Variants in PROSER1 observed in about 807,000 individuals in gnomAD.
The protein encoded by PROSER1 is proline and serine-rich protein 1.
In PROSER1, 36 loss-of-function variants were observed where a neutral mutation model predicts 71.8. The observed-to-expected ratio is 0.50, with a 90% CI of 0.38 to 0.66. The LOEUF (loss-of-function observed/expected upper bound fraction) is 0.66, where lower values mean the gene tolerates loss of function less well. PROSER1 is among the 30% of genes least tolerant of loss of function. The pLI is 0.00. For synonymous variants in PROSER1, 490 were observed against 452.4 expected (o/e 1.08, Z -1.06); for missense variants, 1,107 against 1,135.0 (o/e 0.98, Z 0.35).
intron 9 of PROSER1, 147 bp from the exon 10 acceptor site, chr13:39,017,691 A>G: frequency 1.8e-6 from 1 of 561,280 alleles, no homozygotes; most frequent in Admixed American, 3.6e-5. Context: ...TGGGAAAATA[A>G]ATAAAAATAG....
rs1871179009 is a variant in PROSER1 at position 39,037,508 on chromosome 13, C to T, written c.-266G>A. 1 of 371,888 alleles carries T rather than the reference C, an allele frequency of 2.7e-6. No individual in the cohort carries two copies. The highest frequency in any genetic ancestry group is 2.1e-5 in the African/African-American group (1 of 47,954). The allele number at this position is 371,888 out of a possible 1,614,324, so 23.0% of individuals were successfully genotyped here. ...AGCTTATTCACACAATGGTTCAGGG[C>T]ACCTCGGGCAAGAGCCAGGTCCTCT... On this transcript the variant is annotated 5_prime_UTR_variant, in exon 1 of 13. Coordinates refer to ENST00000352251, the MANE Select transcript of PROSER1 (RefSeq NM_025138.5).
At chr13:39,036,253 T>C (rs1269388719) in intron 1 of PROSER1, among the ~76,000 whole-genome samples, 1 of 152,140 alleles carries the variant, frequency 6.6e-6, no homozygotes, top group Non-Finnish European at 1.5e-5. Context: ...TATTATCAAA[T>C]ATGAAAACTT....
In PROSER1 at chr13:39,018,473, G is replaced by GACACACACAC. The variant is rs56659534; in HGVS notation, c.731-939_731-930dup. ...TAAAGAAAAAGGACTTTTAAAACCCGACACACACACACACACACACACACA... is the reference window on the plus strand; with the variant it reads ...TAAAGAAAAAGGACTTTTAAAACCCGACACACACACACACACACACACACACACACACACA... On this transcript the variant is annotated intron_variant, in intron 9 of 12. Coordinates refer to ENST00000352251, the MANE Select transcript of PROSER1 (RefSeq NM_025138.5). Among the ~76,000 whole-genome samples the GACACACACAC allele has an allele frequency of 9.6e-3, 1,156 of 120,186 alleles. 4 individuals carry two copies. The highest frequency in any genetic ancestry group is 0.013 in the Non-Finnish European group (780 of 60,442). 78.8% of individuals were successfully genotyped at this position (120,186 alleles called of 152,430 possible).
In PROSER1 at chr13:39,010,939, C is replaced by G. The variant is rs757851503; in HGVS notation, c.*426G>C. 1 of 168,566 alleles carries G rather than the reference C, an allele frequency of 5.9e-6. No homozygotes were observed. The highest frequency in any genetic ancestry group is 6.2e-5 in the Admixed American group (1 of 16,256). 10.4% of individuals were successfully genotyped at this position (168,566 alleles called of 1,614,324 possible). ...GCTAATAGGAACCGCTCATGCATAC[C>G]AAGGGTAGTAACTCCCCCAGGGCCA... is the stretch of plus-strand genomic sequence containing the variant. On this transcript the variant is annotated 3_prime_UTR_variant, in exon 13 of 13. Coordinates refer to ENST00000352251, the MANE Select transcript of PROSER1 (RefSeq NM_025138.5).
intron 2 of PROSER1, among the ~76,000 whole-genome samples, chr13:39,033,069 C>T (rs960328966): frequency 1.3e-5 from 2 of 152,226 alleles, no homozygotes; most frequent in African/African-American, 2.4e-5. Context: ...TACAGGCACC[C>T]GCCATCATGC....
Position 39,029,305 on chromosome 13 carries a change from A to T in PROSER1, c.251T>A (p.Leu84Gln), listed in dbSNP as rs1870714865. The change falls in exon 4 of 13, where the codon CTA (leucine) becomes CAA (glutamine). Residue 84 changes from leucine (L) to glutamine (Q), a missense_variant. Physicochemically the swap from Leu to Gln is moderately radical, Grantham distance 113. Transcript: ENST00000352251. ...CGAGGCTAACAGTTCAAGAGCAACTAGTTTGTCTTTACTGAAAGTGAAACA... is the reference window on the plus strand; with the variant it reads ...CGAGGCTAACAGTTCAAGAGCAACTTGTTTGTCTTTACTGAAAGTGAAACA... ...LNCFTFSKDK[L>Q]VALELLASNI... is the part of the protein sequence containing the mutation. 1 of 1,526,804 alleles carries T rather than the reference A, an allele frequency of 6.5e-7. No individual in the cohort carries two copies. The highest frequency in any genetic ancestry group is 8.8e-7 in the Non-Finnish European group (1 of 1,137,910). 94.6% of individuals were successfully genotyped at this position (1,526,804 alleles called of 1,614,324 possible).
chr13:39,027,070 A>G (rs1461631093), intron 5 of PROSER1, among the ~76,000 whole-genome samples: 1 of 150,660 alleles, frequency 6.6e-6, no homozygotes, highest in African/African-American at 2.5e-5. Context: ...TATGTTATAG[A>G]AATATCCAGC....
In PROSER1 at chr13:39,013,920, G is replaced by C; in HGVS notation, c.1332C>G (p.Ser444=). The C allele has an allele frequency of 6.2e-7, 1 of 1,614,198 alleles. No homozygotes were observed. Among genetic ancestry groups the C allele is most frequent in the Non-Finnish European group, 8.5e-7 (1 of 1,180,030 alleles). ...CACCAGCAATTACAGGAGTCGGGTT[G>C]GATAGGCCTTGGGATGTTGGTGGTA... The part of the protein sequence containing the change: ...LPLPPTSQGL[S]NPTPVIAGGS... The change falls in exon 11 of 13, where the codon TCC becomes TCG. Residue 444 remains serine, a synonymous_variant. Transcript: ENST00000352251.
At chr13:39,020,668 A>C (rs1870247058) in intron 9 of PROSER1, among the ~76,000 whole-genome samples, 2 of 152,242 alleles carry the variant, frequency 1.3e-5, no homozygotes, top group South Asian at 2.1e-4. Context: ...AGTCTACCAG[A>C]CTGGCAAAGT....
At position 39,013,886 on chromosome 13, in the gene PROSER1, G is replaced by A; in HGVS notation, c.1366C>T (p.Pro456Ser). 6.2e-7 allele frequency: 1 copy of A among 1,614,194 alleles called. No individual in the cohort carries two copies. The highest frequency in any genetic ancestry group is 8.5e-7 in the Non-Finnish European group (1 of 1,180,020). ...ACACCAAGTGGACCGGCAACGCTGG[G>A]AGTAGAGCCACCAGCAATTACAGGA... ...PTPVIAGGST[P>S]SVAGPLGVNS... The change falls in exon 11 of 13, where the codon CCC becomes TCC. Residue 456 changes from proline (P) to serine (S), a missense_variant. Coordinates refer to ENST00000352251, the MANE Select transcript of PROSER1 (RefSeq NM_025138.5).
Position 39,010,300 on chromosome 13 carries a change from T to TC in PROSER1, c.*1064dup, listed in dbSNP as rs1312365095. 1 of 152,654 alleles carries TC rather than the reference T, an allele frequency of 6.6e-6. No homozygotes were observed. The highest frequency in any genetic ancestry group is 1.5e-5 in the Non-Finnish European group (1 of 68,028). The allele number at this position is 152,654 out of a possible 1,614,324, so 9.5% of individuals were successfully genotyped here. A position where few individuals can be genotyped will look rare whatever the true frequency, so the allele number is the denominator to read the frequency against. The stretch of plus-strand genomic sequence containing the variant: ...TCTTTATAAAAGTAAAACTTCTAGA[T>TC]CCTGAAATGTACTACAGTAGAGTCT... On this transcript the variant is annotated 3_prime_UTR_variant, in exon 13 of 13. Coordinates refer to ENST00000352251, the MANE Select transcript of PROSER1 (RefSeq NM_025138.5).
Position 39,034,114 on chromosome 13 carries a change from C to T in PROSER1, c.111+17G>A, listed in dbSNP as rs1363697793. Reference sequence around the variant, plus strand: ...GTATAAAAAGAAAGCTTTGTTTAAACAAATAATGAGGAATACCTGTTCACT... The same window carrying T: ...GTATAAAAAGAAAGCTTTGTTTAAATAAATAATGAGGAATACCTGTTCACT... On this transcript the variant is annotated intron_variant, in intron 2 of 12. Transcript: ENST00000352251. 2 of 1,520,960 alleles carry T rather than the reference C, an allele frequency of 1.3e-6. No homozygotes were observed. The highest frequency in any genetic ancestry group is 1.8e-6 in the Non-Finnish European group (2 of 1,131,662). The allele number at this position is 1,520,960 out of a possible 1,614,324, so 94.2% of individuals were successfully genotyped here.
chr13:39,038,072 C>T lies in PROSER1; in HGVS notation c.-830G>A, dbSNP rs1373364968. On this transcript the variant is annotated 5_prime_UTR_variant, in exon 1 of 13. Transcript: ENST00000352251. The stretch of plus-strand genomic sequence containing the variant: ...AGTAAACTCAACACTGCGCCGCCAG[C>T]TTGGGCCCCTCTTTCCTGAAAGCCA... 1 of 153,982 alleles carries T rather than the reference C, an allele frequency of 6.5e-6. No homozygotes were observed. The highest frequency in any genetic ancestry group is 6.4e-5 in the Admixed American group (1 of 15,516). 9.5% of individuals were successfully genotyped at this position (153,982 alleles called of 1,614,324 possible).
chr13:39,015,180 A>G (rs1869952761), intron 10 of PROSER1, among the ~76,000 whole-genome samples: 1 of 152,204 alleles, frequency 6.6e-6, no homozygotes, highest in Admixed American at 6.5e-5. Context: ...GATATATCAT[A>G]ATTACCTCAA....
chr13:39,012,476 A>T, intron 11 of PROSER1: 1 of 640,790 alleles, frequency 1.6e-6, no homozygotes, highest in Non-Finnish European at 2.7e-6. Context: ...CTTATAAATA[A>T]AACTATCAAA....
chr13:39,028,113 T>C (rs1593538162), intron 5 of PROSER1, 114 bp downstream of exon 5: 2 of 597,958 alleles, frequency 3.3e-6, no homozygotes, highest in East Asian at 2.9e-5. Flanking sequence ...TTTAACCCAT[T>C]GTACAACAGC....
chr13:39,020,440 C>G (rs535507100), intron 9 of PROSER1, among the ~76,000 whole-genome samples: 1 of 151,602 alleles, frequency 6.6e-6, no homozygotes, highest in Admixed American at 6.6e-5. Context: ...AGATTTCTAA[C>G]GATAATAAAA....
intron 7 of PROSER1, 77 bp downstream of exon 7, chr13:39,024,395 TA>T: frequency 9.3e-7 from 1 of 1,073,400 alleles, no homozygotes; most frequent in Non-Finnish European, 1.4e-6. Flanking sequence ...AACACAAAAA[TA>T]AAATTTATGC....
Position 39,011,407 on chromosome 13 carries a change from T to C in PROSER1, c.2793A>G (p.Pro931=), listed in dbSNP as rs1593522708. 1.2e-6 allele frequency: 2 copies of C among 1,614,108 alleles called. No homozygotes were observed. Among genetic ancestry groups the C allele is most frequent in the South Asian group, 2.2e-5 (2 of 91,080 alleles). ...FPSYPSAPGT[P]FSLQPSLSQS... ...GGGACAGGCTTGGTTGCAAAGAAAA[T>C]GGTGTTCCTGGCGCTGAAGGATAAC... The change falls in exon 13 of 13, where the codon CCA becomes CCG. Residue 931 remains proline (P), a synonymous_variant. Transcript: ENST00000352251.
Sources: gnomAD v4.1 joint callset for allele counts (sites outside exome capture counted in the v4.1 genomes callset) on GRCh38, gnomAD v4.1.1 for gene constraint, MANE v1.5 for transcripts, NCBI Gene and HGNC (gene_info 2026-07-23, HGNC 2026-07-21) for gene names.